The following DCC variants were observed in gnomAD, a reference collection of about 807,000 sequenced individuals.
DCC encodes the protein netrin receptor DCC.
DCC carries 58 observed loss-of-function variants against 172.5 expected under a neutral mutation model. The observed-to-expected ratio is 0.34, with a 90% CI of 0.27 to 0.42. DCC has a LOEUF of 0.42. Among genes scored for constraint, DCC ranks in the 10% least tolerant of loss-of-function variants. The pLI is 1.00. For synonymous variants in DCC, 709 were observed against 644.5 expected (o/e 1.10, Z -1.52); for missense variants, 1,740 against 1,791.0 (o/e 0.97, Z 0.51).
chr18:53,152,144 G>A (rs1322134466), intron 7 of DCC, among the ~76,000 whole-genome samples: 1 of 152,180 alleles, frequency 6.6e-6, no homozygotes, highest in African/African-American at 2.4e-5. Flanking sequence ...TAATAAAGCA[G>A]CTAGTTGATT....
intron 21 of DCC, among the ~76,000 whole-genome samples, chr18:53,423,029 C>A (rs1910720110): frequency 6.6e-6 from 1 of 152,028 alleles, no homozygotes; most frequent in African/African-American, 2.4e-5. Context: ...ATCATGTTCC[C>A]AGCAAGCAGT....
At chr18:52,989,471 C>T (rs745392595) in intron 5 of DCC, among the ~76,000 whole-genome samples, 3 of 151,840 alleles carry the variant, frequency 2.0e-5, no homozygotes, top group Non-Finnish European at 4.4e-5. Flanking sequence ...TGCAGTGAAC[C>T]GAGATCACAC....
At chr18:52,860,605 A>G (rs1214596898) in intron 2 of DCC, among the ~76,000 whole-genome samples, 1 of 152,196 alleles carries the variant, frequency 6.6e-6, no homozygotes, top group African/African-American at 2.4e-5. Context: ...GTGTAGTAAG[A>G]CCATTTGTTT....
chr18:53,330,557 G>T (rs1015038224), intron 14 of DCC, among the ~76,000 whole-genome samples: 24 of 152,086 alleles, frequency 1.6e-4, no homozygotes, highest in Admixed American at 1.3e-3. Flanking sequence ...TGTTGTCAGA[G>T]TGATTTTTTC....
intron 1 of DCC, among the ~76,000 whole-genome samples, chr18:52,415,499 G>A (rs1286616409): frequency 6.6e-6 from 1 of 152,178 alleles, no homozygotes; most frequent in Non-Finnish European, 1.5e-5. Flanking sequence ...GTGCCATGAT[G>A]AAGGTGGCAG....
At chr18:52,912,090 A>G (rs2039978831) in intron 3 of DCC, among the ~76,000 whole-genome samples, 1 of 152,110 alleles carries the variant, frequency 6.6e-6, no homozygotes, top group African/African-American at 2.4e-5. Context: ...TTGAACTGTT[A>G]TAGTAAGTGG....
chr18:53,480,280 T>C (rs144225268), intron 25 of DCC, among the ~76,000 whole-genome samples: 1 of 152,310 alleles, frequency 6.6e-6, no homozygotes, highest in Non-Finnish European at 1.5e-5. Context: ...GCTCCTGCTG[T>C]GGCAAGCACT....
chr18:52,860,072 G>A (rs1232422776), intron 2 of DCC, among the ~76,000 whole-genome samples: 1 of 152,200 alleles, frequency 6.6e-6, no homozygotes, highest in Non-Finnish European at 1.5e-5. Flanking sequence ...CGTCTATATA[G>A]GATGCAGCAA....
chr18:53,286,845 A>G (rs1024027166), intron 12 of DCC, among the ~76,000 whole-genome samples: 3 of 152,236 alleles, frequency 2.0e-5, no homozygotes, highest in Non-Finnish European at 2.9e-5. Flanking sequence ...CAACTCTACA[A>G]AAATATTTAG....
intron 17 of DCC, among the ~76,000 whole-genome samples, chr18:53,393,867 G>T (rs1393309896): frequency 6.9e-6 from 1 of 145,046 alleles, no homozygotes; most frequent in Admixed American, 6.9e-5. Flanking sequence ...CATCCTCCCT[G>T]ACAGAAGGCT....
chr18:52,987,448 G>A (rs148317708), intron 5 of DCC, among the ~76,000 whole-genome samples: 3,767 of 152,208 alleles, frequency 0.025, 51 homozygotes, highest in Middle Eastern at 0.048. Flanking sequence ...ATCCCCTTGT[G>A]ACTTCATCAT....
intron 1 of DCC, among the ~76,000 whole-genome samples, chr18:52,668,942 A>G (rs1406664220): frequency 6.6e-6 from 1 of 152,200 alleles, no homozygotes; most frequent in Admixed American, 6.5e-5. Flanking sequence ...AGCAGAGCTG[A>G]TTTATCAAGA....
chr18:52,445,856 G>A (rs1054152043), intron 1 of DCC, among the ~76,000 whole-genome samples: 6 of 152,162 alleles, frequency 3.9e-5, no homozygotes, highest in African/African-American at 1.4e-4. Context: ...AGTAACTCTT[G>A]AATCTTCTAC....
intron 7 of DCC, among the ~76,000 whole-genome samples, chr18:53,086,968 A>G (rs142296031): frequency 0.16 from 23,846 of 151,550 alleles, 2,355 homozygotes; most frequent in African/African-American, 0.28. Flanking sequence ...TCCATGGTGT[A>G]TATGTGCCAC....
At chr18:52,945,236 A>G (rs1025791550) in intron 5 of DCC, among the ~76,000 whole-genome samples, 1 of 152,202 alleles carries the variant, frequency 6.6e-6, no homozygotes, top group South Asian at 2.1e-4. Context: ...ACAAGAAAAA[A>G]TACCTTTCTA....
intron 12 of DCC, among the ~76,000 whole-genome samples, chr18:53,275,225 T>C (rs1244489814): frequency 6.6e-6 from 1 of 152,080 alleles, no homozygotes; most frequent in Non-Finnish European, 1.5e-5. Context: ...GAACAACATA[T>C]ACCCATATTT....
intron 1 of DCC, among the ~76,000 whole-genome samples, chr18:52,489,200 A>C: frequency 6.6e-6 from 1 of 152,094 alleles, no homozygotes; most frequent in Non-Finnish European, 1.5e-5. Flanking sequence ...TGGCTCCTAG[A>C]TGATACTGGT....
chr18:52,582,399 G>T (rs559164859), intron 1 of DCC, among the ~76,000 whole-genome samples: 1 of 152,122 alleles, frequency 6.6e-6, no homozygotes, highest in Non-Finnish European at 1.5e-5. Flanking sequence ...AGGCTTAATG[G>T]CATTTAGCAT....
At chr18:53,028,334 T>C (rs2041984477) in intron 5 of DCC, among the ~76,000 whole-genome samples, 1 of 152,314 alleles carries the variant, frequency 6.6e-6, no homozygotes, top group Non-Finnish European at 1.5e-5. Flanking sequence ...AAAAATTGTA[T>C]TTAATAATCA....
Sources: gnomAD v4.1 joint callset for allele counts (sites outside exome capture counted in the v4.1 genomes callset) on GRCh38, gnomAD v4.1.1 for gene constraint, MANE v1.5 for transcripts, NCBI Gene and HGNC (gene_info 2026-07-23, HGNC 2026-07-21) for gene names.